The following HTR2C variants were observed in gnomAD, a reference collection of about 807,000 sequenced individuals.
HTR2C encodes 5-hydroxytryptamine receptor 2C, also known as 5-hydroxytryptamine (serotonin) receptor 2C, G protein-coupled.
In HTR2C, 5 loss-of-function variants were observed where a neutral mutation model predicts 21.0. That is an observed-to-expected ratio of 0.24 (90% CI 0.12 to 0.50). The LOEUF is 0.50. Among genes scored for constraint, HTR2C ranks in the 20% least tolerant of loss-of-function variants. HTR2C has a pLI of 0.98. For synonymous variants in HTR2C, 150 were observed against 145.3 expected (o/e 1.03, Z -0.23); for missense variants, 271 against 371.2 (o/e 0.73, Z 2.22).
intron 5 of HTR2C, among the ~76,000 whole-genome samples, chrX:114,851,166 G>A (rs1391027685): frequency 9.0e-6 from 1 of 111,472 alleles, no homozygotes; most frequent in East Asian, 2.8e-4. Context: ...TACAATCATC[G>A]CATAAGATCT....
chrX:114,833,377 A>C (rs1344314468), intron 4 of HTR2C, among the ~76,000 whole-genome samples: 1 of 108,820 alleles, frequency 9.2e-6, no homozygotes, highest in Non-Finnish European at 1.9e-5. Context: ...ACAATTTCAG[A>C]TCCTGTTATT....
chrX:114,825,578 G>A (rs1012341849), intron 4 of HTR2C, among the ~76,000 whole-genome samples: 2 of 111,386 alleles, frequency 1.8e-5, no homozygotes, highest in Non-Finnish European at 3.8e-5. Flanking sequence ...TGAAAAGAAT[G>A]TGTACTTTCC....
At chrX:114,737,528 C>T (rs1556424693) in intron 4 of HTR2C, among the ~76,000 whole-genome samples, 1 of 111,217 alleles carries the variant, frequency 9.0e-6, no homozygotes, top group Non-Finnish European at 1.9e-5. Flanking sequence ...GCACTCCTGA[C>T]TTTTTAAAAG....
intron 5 of HTR2C, among the ~76,000 whole-genome samples, chrX:114,867,858 G>A (rs897657361): frequency 2.7e-5 from 3 of 110,567 alleles, no homozygotes; most frequent in Non-Finnish European, 5.7e-5. Context: ...CTGTTCCCTT[G>A]GTCTGTATGT....
chrX:114,624,671 C>T (rs907842189), intron 2 of HTR2C, among the ~76,000 whole-genome samples: 6 of 111,119 alleles, frequency 5.4e-5, no homozygotes, highest in Non-Finnish European at 1.1e-4. Flanking sequence ...ACCTCTGATT[C>T]CAAAAGGAAA....
At chrX:114,717,730 G>T (rs1451236453) in intron 2 of HTR2C, 1 of 111,692 alleles carries the variant, frequency 9.0e-6, no homozygotes, top group African/African-American at 3.3e-5. Flanking sequence ...CAAGGCAAGC[G>T]TTTTCAATAA....
intron 4 of HTR2C, among the ~76,000 whole-genome samples, chrX:114,796,511 T>C (rs2070295045): frequency 9.0e-6 from 1 of 111,286 alleles, no homozygotes; most frequent in African/African-American, 3.3e-5. Flanking sequence ...TTACTTAATG[T>C]CTATATTACT....
At chrX:114,605,872 G>T (rs1352953355) in intron 1 of HTR2C, among the ~76,000 whole-genome samples, 1 of 108,344 alleles carries the variant, frequency 9.2e-6, no homozygotes, top group Non-Finnish European at 1.9e-5. Context: ...TGGGAAAAGG[G>T]GTTGGGGCAC....
At position 114,909,170 on chromosome X, in the gene HTR2C, G is replaced by T. The variant is rs2071396989; in HGVS notation, c.*1755G>T. ...ACTGCCAAACATCAGTCAATTGCTTGAGCATGCCCAAATATAACATGAAAG... is the reference window on the plus strand; with the variant it reads ...ACTGCCAAACATCAGTCAATTGCTTTAGCATGCCCAAATATAACATGAAAG... On this transcript the variant is annotated 3_prime_UTR_variant, in exon 6 of 6. Coordinates refer to ENST00000276198, the MANE Select transcript of HTR2C (RefSeq NM_000868.4). 8.9e-6 allele frequency: 1 copy of T among 112,734 alleles called. No homozygotes were observed. The highest frequency in any genetic ancestry group is 3.2e-5 in the African/African-American group (1 of 31,072). The allele number at this position is 112,734 out of a possible 1,213,427, so 9.3% of individuals were successfully genotyped here. A position where few individuals can be genotyped will look rare whatever the true frequency, so the allele number is the denominator to read the frequency against.
chrX:114,701,364 C>T (rs1259742494), intron 2 of HTR2C, among the ~76,000 whole-genome samples: 1 of 111,200 alleles, frequency 9.0e-6, no homozygotes, highest in Non-Finnish European at 1.9e-5. Flanking sequence ...TGAGACAAAA[C>T]TTCCAGAGGA....
intron 2 of HTR2C, among the ~76,000 whole-genome samples, chrX:114,642,584 G>A (rs1390412105): frequency 9.0e-6 from 1 of 111,578 alleles, no homozygotes; most frequent in African/African-American, 3.3e-5. Context: ...TATGTAACAC[G>A]GGTAGATGCC....
intron 2 of HTR2C, among the ~76,000 whole-genome samples, chrX:114,677,086 T>C (rs781973087): frequency 8.9e-6 from 1 of 112,036 alleles, no homozygotes; most frequent in African/African-American, 3.2e-5. Context: ...ATGTGCTTGT[T>C]GTGTACTTGC....
intron 4 of HTR2C, among the ~76,000 whole-genome samples, chrX:114,756,008 G>A (rs184539020): frequency 1.4e-4 from 16 of 110,503 alleles, no homozygotes; most frequent in African/African-American, 4.6e-4. Context: ...CTACTTGGGA[G>A]GCTGAGGCAG....
intron 4 of HTR2C, among the ~76,000 whole-genome samples, chrX:114,812,449 G>A (rs2070541278): frequency 9.0e-6 from 1 of 110,828 alleles, no homozygotes; most frequent in African/African-American, 3.3e-5. Flanking sequence ...GCTATCTTGG[G>A]CCGGGCTCGG....
chrX:114,596,279 A>C (rs1276460687), intron 1 of HTR2C, among the ~76,000 whole-genome samples: 1 of 112,284 alleles, frequency 8.9e-6, no homozygotes, highest in Non-Finnish European at 1.9e-5. Flanking sequence ...TTAGTATAAA[A>C]ATTGATGAAA....
At chrX:114,628,287 G>A (rs1929460647) in intron 2 of HTR2C, among the ~76,000 whole-genome samples, 1 of 110,576 alleles carries the variant, frequency 9.0e-6, no homozygotes, top group African/African-American at 3.3e-5. Context: ...CGCCCAGGCT[G>A]GAGTGCAGTG....
At chrX:114,629,132 C>G (rs1006586297) in intron 2 of HTR2C, among the ~76,000 whole-genome samples, 1 of 111,517 alleles carries the variant, frequency 9.0e-6, no homozygotes, top group Admixed American at 9.6e-5. Flanking sequence ...AGTTTAGAAA[C>G]GGGTCTCCAT....
chrX:114,785,410 G>A (rs373063865), intron 4 of HTR2C, among the ~76,000 whole-genome samples: 25 of 111,636 alleles, frequency 2.2e-4, no homozygotes, highest in African/African-American at 8.1e-4. Context: ...TGAAGGAAGC[G>A]ACTTATGAAA....
intron 5 of HTR2C, among the ~76,000 whole-genome samples, chrX:114,870,006 G>A (rs782370505): frequency 9.0e-6 from 1 of 111,664 alleles, no homozygotes; most frequent in Non-Finnish European, 1.9e-5. Context: ...ATCCTGGGAT[G>A]AATCCCATTT....
Sources: allele counts gnomAD v4.1 joint callset (sites outside exome capture counted in the v4.1 genomes callset), GRCh38; gene constraint gnomAD v4.1.1; transcripts MANE v1.5; gene names NCBI Gene and HGNC (gene_info 2026-07-23, HGNC 2026-07-21).